The following MAP1B variants were observed in gnomAD, a reference collection of about 807,000 sequenced individuals.
MAP1B encodes microtubule-associated protein 1B.
A neutral mutation model predicts 176.1 loss-of-function variants in MAP1B; 12 were observed. The observed-to-expected ratio is 0.07, with a 90% CI of 0.04 to 0.11. The LOEUF (loss-of-function observed/expected upper bound fraction) is 0.11. Among genes scored for constraint, MAP1B ranks in the 10% least tolerant of loss-of-function variants. MAP1B has a pLI of 1.00. For synonymous variants in MAP1B, 1,044 were observed against 1,135.0 expected (o/e 0.92, Z 1.61); for missense variants, 2,523 against 2,990.5 (o/e 0.84, Z 3.65).
rs144705699 is a variant in MAP1B at position 72,199,934 on chromosome 5, C to T, written c.6579C>T (p.Val2193=). The T allele has an allele frequency of 9.9e-6, 16 of 1,614,088 alleles. No homozygotes were observed. Among genetic ancestry groups the T allele is most frequent in the Non-Finnish European group, 1.4e-5 (16 of 1,180,048 alleles). The change falls in exon 5 of 7, where the codon GTC becomes GTT. Residue 2193 remains valine, a synonymous_variant. Transcript: ENST00000296755. The surrounding 1 kb of genome is among the most constrained non-coding windows in gnomAD (Gnocchi z 4.2). ...ESETIPTDKT[V]TYKHMDPPPA... ...AAACCATCCCCACAGACAAAACTGT[C>T]ACGTACAAACACATGGACCCACCTC...
At chr5:72,126,445 G>C (rs1439154129) in intron 2 of MAP1B, among the ~76,000 whole-genome samples, 1 of 152,182 alleles carries the variant, frequency 6.6e-6, no homozygotes, top group African/African-American at 2.4e-5. Flanking sequence ...GGCATAAATT[G>C]TATGTGTATA....
At chr5:72,173,578 A>C (rs560548317) in intron 2 of MAP1B, among the ~76,000 whole-genome samples, 1 of 152,342 alleles carries the variant, frequency 6.6e-6, no homozygotes, top group Admixed American at 6.5e-5. Flanking sequence ...AAAATAGCTG[A>C]TATCGGTAAT....
chr5:72,137,861 A>G (rs1372477179), intron 2 of MAP1B, among the ~76,000 whole-genome samples: 1 of 152,228 alleles, frequency 6.6e-6, no homozygotes, highest in Non-Finnish European at 1.5e-5. Context: ...GAAATGTCAT[A>G]AATAGCCTCA....
At chr5:72,183,139 AC>A (rs1746813580) in intron 2 of MAP1B, among the ~76,000 whole-genome samples, 1 of 152,046 alleles carries the variant, frequency 6.6e-6, no homozygotes, top group South Asian at 2.1e-4. Flanking sequence ...CAGTTTGGCC[AC>A]CCTGTTTCAT....
chr5:72,193,789 T>C lies in MAP1B; in HGVS notation c.511-77T>C, dbSNP rs139435667. On this transcript the variant is annotated intron_variant, in intron 4 of 6. Coordinates refer to ENST00000296755, the MANE Select transcript of MAP1B (RefSeq NM_005909.5). ...CATCCTGTGATCCTGTAACACATAG[T>C]TATAGCTGGAGATGATGGATCAGTG... 324 of 1,438,204 alleles carry C rather than the reference T, an allele frequency of 2.3e-4. 4 individuals are homozygous for C. The African/African-American group carries it at 4.3e-3, about 19-fold the overall frequency. 89.1% of individuals were successfully genotyped at this position (1,438,204 alleles called of 1,614,324 possible).
At position 72,193,861 on chromosome 5, in the gene MAP1B, C is replaced by A. The variant is rs1319238460; in HGVS notation, c.511-5C>A. 6.4e-7 allele frequency: 1 copy of A among 1,567,794 alleles called. No individual in the cohort carries two copies. The highest frequency in any genetic ancestry group is 8.6e-7 in the Non-Finnish European group (1 of 1,162,862). ...TCTTTCTTTCTTTCTTTCTTTAAAA[C>A]CCAGATCGGGGAGTTACTAAGCACC... On this transcript the variant is annotated splice_polypyrimidine_tract_variant and splice_region_variant and intron_variant, in intron 4 of 6. Coordinates refer to ENST00000296755, the MANE Select transcript of MAP1B (RefSeq NM_005909.5).
chr5:72,160,176 G>C (rs1043638828), intron 2 of MAP1B, among the ~76,000 whole-genome samples: 8 of 149,408 alleles, frequency 5.4e-5, no homozygotes, highest in Non-Finnish European at 8.9e-5. Flanking sequence ...ATGGATCAGG[G>C]ACCGAGAATA....
At chr5:72,185,071 C>T (rs568923950) in intron 3 of MAP1B, among the ~76,000 whole-genome samples, 29 of 152,304 alleles carry the variant, frequency 1.9e-4, no homozygotes, top group Non-Finnish European at 2.9e-4. Flanking sequence ...TGTGGCCTTG[C>T]GTGTCTGGCT....
At chr5:72,192,156 T>C (rs1402401158) in intron 4 of MAP1B, among the ~76,000 whole-genome samples, 1 of 152,262 alleles carries the variant, frequency 6.6e-6, no homozygotes, top group Non-Finnish European at 1.5e-5. Context: ...ATAGTTTGCA[T>C]GTGCTTTGTG....
intron 2 of MAP1B, among the ~76,000 whole-genome samples, chr5:72,131,091 A>G (rs1420154867): frequency 3.9e-5 from 6 of 152,210 alleles, no homozygotes; most frequent in South Asian, 4.1e-4. Context: ...ACGGTCTCCC[A>G]TGGAGCTCTC....
At chr5:72,174,883 C>CCTTT (rs1291084920) in intron 2 of MAP1B, among the ~76,000 whole-genome samples, 4 of 146,878 alleles carry the variant, frequency 2.7e-5, no homozygotes, top group African/African-American at 1.0e-4. Flanking sequence ...TTTCTTCCTT[C>CCTTT]CTTCCTTCCT....
intron 2 of MAP1B, among the ~76,000 whole-genome samples, chr5:72,147,939 C>A (rs1006981861): frequency 6.6e-6 from 1 of 152,064 alleles, no homozygotes; most frequent in African/African-American, 2.4e-5. Context: ...CTATGCAAAG[C>A]GGAGTTCAGG....
At chr5:72,203,289 C>A (rs1379051891) in intron 5 of MAP1B, among the ~76,000 whole-genome samples, 1 of 152,186 alleles carries the variant, frequency 6.6e-6, no homozygotes, top group Non-Finnish European at 1.5e-5. Context: ...ACTCTTCTTG[C>A]TTCCTAATAT....
chr5:72,202,624 A>G (rs1280694792), intron 5 of MAP1B, among the ~76,000 whole-genome samples: 1 of 152,224 alleles, frequency 6.6e-6, no homozygotes, highest in Non-Finnish European at 1.5e-5. Flanking sequence ...TTTAAAAGAC[A>G]GTAGTTCCAG....
intron 4 of MAP1B, among the ~76,000 whole-genome samples, chr5:72,193,516 ATCC>A (rs1747074907): frequency 6.6e-6 from 1 of 152,160 alleles, no homozygotes; most frequent in Non-Finnish European, 1.5e-5. Context: ...CTGCAGCACA[ATCC>A]TCAGTTGCCC....
chr5:72,186,489 C>A lies in MAP1B; in HGVS notation c.370-125C>A. The A allele has an allele frequency of 8.3e-7, 1 of 1,203,090 alleles. No homozygotes were observed. Among genetic ancestry groups the A allele is most frequent in the Non-Finnish European group, 1.2e-6 (1 of 852,608 alleles). The allele number at this position is 1,203,090 out of a possible 1,614,324, so 74.5% of individuals were successfully genotyped here. ...CTTCTGGCCTCCAGGAGAAATTAGACCTTTGGGGAATGAATGCTTTTTGCT... is the reference window on the plus strand; with the variant it reads ...CTTCTGGCCTCCAGGAGAAATTAGAACTTTGGGGAATGAATGCTTTTTGCT... On this transcript the variant is annotated intron_variant, in intron 3 of 6. Coordinates refer to ENST00000296755, the MANE Select transcript of MAP1B (RefSeq NM_005909.5). The surrounding 1 kb of genome is among the most constrained non-coding windows in gnomAD (Gnocchi z 4.3).
rs1747466083 is a variant in MAP1B at position 72,206,958 on chromosome 5, A to G, written c.*1719A>G. ...CTACATACTTCTTTCAAGATCTTCA[A>G]CCATGAGGTAAAAGAGCCAAGTTCA... On this transcript the variant is annotated 3_prime_UTR_variant, in exon 7 of 7. Transcript: ENST00000296755. 6.6e-6 allele frequency: 1 copy of G among 152,174 alleles called. No homozygotes were observed. The highest frequency in any genetic ancestry group is 6.5e-5 in the Admixed American group (1 of 15,270). 9.4% of individuals were successfully genotyped at this position (152,174 alleles called of 1,614,324 possible).
rs1747477246 is a variant in MAP1B at position 72,207,495 on chromosome 5, A to C, written c.*2256A>C. The C allele has an allele frequency of 6.6e-6, 1 of 152,172 alleles. No homozygotes were observed. Among genetic ancestry groups the C allele is most frequent in the Non-Finnish European group, 1.5e-5 (1 of 68,030 alleles). 9.4% of individuals were successfully genotyped at this position (152,172 alleles called of 1,614,324 possible). ...TTCAAATGTTTAATTTTTTAAAGAA[A>C]ATTAATATTCTATTTTTGTTAGGCT... is the stretch of plus-strand genomic sequence containing the variant. On this transcript the variant is annotated 3_prime_UTR_variant, in exon 7 of 7. Transcript: ENST00000296755.
At chr5:72,132,363 C>T (rs1028451931) in intron 2 of MAP1B, among the ~76,000 whole-genome samples, 3 of 152,142 alleles carry the variant, frequency 2.0e-5, no homozygotes, top group African/African-American at 7.2e-5. Flanking sequence ...AAGTTCTTTC[C>T]CATGTGCTCT....
Sources: gnomAD v4.1 joint callset for allele counts (sites outside exome capture counted in the v4.1 genomes callset) on GRCh38, gnomAD v4.1.1 for gene constraint, Gnocchi (gnomAD v3.1) non-coding constraint, MANE v1.5 for transcripts, NCBI Gene and HGNC (gene_info 2026-07-23, HGNC 2026-07-21) for gene names.